The following NAV2 variants were observed in gnomAD, a reference collection of about 807,000 sequenced individuals.
The protein encoded by NAV2 is helicase, APC down-regulated 1.
A neutral mutation model predicts 223.2 loss-of-function variants in NAV2; 54 were observed. The ratio of observed to expected loss-of-function variants is 0.24; its 90% CI spans 0.19 to 0.30. The LOEUF is 0.30. Among genes scored for constraint, NAV2 ranks in the 10% least tolerant of loss-of-function variants. The pLI, the probability that NAV2 is intolerant of heterozygous loss-of-function variation, is 1.00. For synonymous variants in NAV2, 1,279 were observed against 1,239.3 expected (o/e 1.03, Z -0.67); for missense variants, 2,806 against 3,147.5 (o/e 0.89, Z 2.60).
intron 1 of NAV2, among the ~76,000 whole-genome samples, chr11:19,726,458 T>G (rs546350735): frequency 6.6e-6 from 1 of 152,328 alleles, no homozygotes; most frequent in East Asian, 1.9e-4. Flanking sequence ...CTTGCTGCTC[T>G]TCCTGCATGG....
At chr11:19,803,469 C>A (rs1348070806) in intron 1 of NAV2, among the ~76,000 whole-genome samples, 1 of 152,234 alleles carries the variant, frequency 6.6e-6, no homozygotes, top group East Asian at 1.9e-4. Flanking sequence ...GGGAGCAGAG[C>A]TTCAGATATG....
chr11:19,981,718 G>A (rs1195586913), intron 10 of NAV2, among the ~76,000 whole-genome samples: 1 of 152,166 alleles, frequency 6.6e-6, no homozygotes, highest in Non-Finnish European at 1.5e-5. Context: ...CAAAGTTATG[G>A]CATTTTGGTG....
chr11:19,551,743 A>G (rs79878466), intron 1 of NAV2, among the ~76,000 whole-genome samples: 4,864 of 151,176 alleles, frequency 0.032, 235 homozygotes, highest in South Asian at 0.15. Context: ...GGTGGGGGAA[A>G]AAATGGTTAG....
In NAV2 at chr11:19,605,154, A is replaced by G. The variant is rs551480722; in HGVS notation, c.76-227330A>G. ...CCAGGGCTCATGTTCTAACTACTACATTGGACTGCTGCCTGTTTTTTGAAA... is the reference window on the plus strand; with the variant it reads ...CCAGGGCTCATGTTCTAACTACTACGTTGGACTGCTGCCTGTTTTTTGAAA... On this transcript the variant is annotated intron_variant, in intron 1 of 37. Transcript: ENST00000360655. 4.9e-4 allele frequency among the ~76,000 whole-genome samples: 74 copies of G among 152,280 alleles called. 1 individual carries two copies. Among genetic ancestry groups the G allele is most frequent in the Middle Eastern group, 6.8e-3 (2 of 294 alleles).
intron 1 of NAV2, among the ~76,000 whole-genome samples, chr11:19,689,838 A>G (rs2152257309): frequency 6.6e-6 from 1 of 152,350 alleles, no homozygotes; most frequent in East Asian, 1.9e-4. Context: ...GAGGGTGCTG[A>G]GTTGAAATAG....
intron 1 of NAV2, among the ~76,000 whole-genome samples, chr11:19,352,394 T>C (rs934948415): frequency 1.3e-5 from 2 of 152,250 alleles, no homozygotes; most frequent in Admixed American, 1.3e-4. Flanking sequence ...ACAATTTTAA[T>C]TGGGCTGGTA....
intron 6 of NAV2, among the ~76,000 whole-genome samples, chr11:19,929,227 TG>T (rs1293740607): frequency 6.6e-6 from 1 of 152,052 alleles, no homozygotes; most frequent in Non-Finnish European, 1.5e-5. Flanking sequence ...CACTGCAGCC[TG>T]GGTGACAGAG....
At chr11:19,777,347 G>A (rs1308652829) in intron 1 of NAV2, 20 of 328,426 alleles carry the variant, frequency 6.1e-5, no homozygotes, top group Non-Finnish European at 1.1e-4. Flanking sequence ...GGCCGCGGCC[G>A]AGAGGAGACC....
chr11:20,064,450 C>T (rs1348333333), intron 20 of NAV2, among the ~76,000 whole-genome samples: 2 of 152,178 alleles, frequency 1.3e-5, no homozygotes, highest in African/African-American at 2.4e-5. Context: ...TTCCCTGTGG[C>T]ATTCCCAAGG....
intron 1 of NAV2, among the ~76,000 whole-genome samples, chr11:19,750,549 C>T (rs1205802575): frequency 6.6e-6 from 1 of 152,208 alleles, no homozygotes; most frequent in Non-Finnish European, 1.5e-5. Context: ...ATCCCACCTT[C>T]CTGCTGCCTT....
chr11:19,649,897 A>G (rs994973105), intron 1 of NAV2, among the ~76,000 whole-genome samples: 4 of 152,140 alleles, frequency 2.6e-5, no homozygotes, highest in African/African-American at 9.7e-5. Flanking sequence ...ATACTTCCAC[A>G]CTCCCATTTG....
chr11:19,970,901 A>G (rs187375511), intron 10 of NAV2, among the ~76,000 whole-genome samples: 87 of 152,360 alleles, frequency 5.7e-4, no homozygotes, highest in African/African-American at 2.0e-3. Flanking sequence ...CTGTAGTTCC[A>G]TGAAACTGCC....
intron 11 of NAV2, among the ~76,000 whole-genome samples, chr11:20,028,947 T>C (rs1294215321): frequency 6.6e-6 from 1 of 152,102 alleles, no homozygotes; most frequent in East Asian, 1.9e-4. Context: ...AAGGCTCCCA[T>C]GGGGATTGTA....
At chr11:19,440,195 G>C (rs935039134) in intron 1 of NAV2, among the ~76,000 whole-genome samples, 1 of 152,198 alleles carries the variant, frequency 6.6e-6, no homozygotes, top group Non-Finnish European at 1.5e-5. Flanking sequence ...TGAAGCTACT[G>C]TCTAGTGGGG....
At chr11:19,716,526 C>T (rs543572289) in intron 1 of NAV2, among the ~76,000 whole-genome samples, 8 of 152,206 alleles carry the variant, frequency 5.3e-5, no homozygotes, top group South Asian at 2.1e-4. Flanking sequence ...ATTAATAGCC[C>T]GTAAATGAGA....
chr11:19,959,211 T>C (rs1033321446), intron 10 of NAV2, among the ~76,000 whole-genome samples: 4 of 152,100 alleles, frequency 2.6e-5, no homozygotes, highest in African/African-American at 7.2e-5. Context: ...CAAGGTGGGT[T>C]GAATGTTTAA....
At chr11:20,017,171 G>A (rs188108358) in intron 11 of NAV2, among the ~76,000 whole-genome samples, 1 of 152,326 alleles carries the variant, frequency 6.6e-6, no homozygotes, top group Admixed American at 6.5e-5. Flanking sequence ...GCTCTTTATT[G>A]ATACTTTTCT....
upstream of NAV2, among the ~76,000 whole-genome samples, chr11:19,347,787 T>C (rs916784913): frequency 2.0e-5 from 3 of 152,204 alleles, no homozygotes; most frequent in Admixed American, 2.0e-4. Flanking sequence ...GTTCCCTGAG[T>C]CCTTTCTTTC....
At chr11:19,503,488 T>G (rs1004940596) in intron 1 of NAV2, 11 of 152,216 alleles carry the variant, frequency 7.2e-5, no homozygotes, top group African/African-American at 2.7e-4. Flanking sequence ...CAGGAAACAC[T>G]GATCTTTTTA....
Sources: gnomAD v4.1 joint callset for allele counts (sites outside exome capture counted in the v4.1 genomes callset) on GRCh38, gnomAD v4.1.1 for gene constraint, MANE v1.5 for transcripts, NCBI Gene and HGNC (gene_info 2026-07-23, HGNC 2026-07-21) for gene names.